CAPRIN1: variants seen among roughly 807,000 people sequenced by gnomAD.
The protein encoded by CAPRIN1 is cell cycle associated protein 1, also known as caprin-1.
In CAPRIN1, 29 loss-of-function variants were observed where a neutral mutation model predicts 100.9. The observed-to-expected ratio is 0.29, with a 90% confidence interval of 0.21 to 0.39. CAPRIN1 has a LOEUF of 0.39. CAPRIN1 is among the 10% of genes least tolerant of loss of function. The pLI, the probability that CAPRIN1 is intolerant of heterozygous loss-of-function variation, is 1.00. For synonymous variants in CAPRIN1, 338 were observed against 307.5 expected, an observed-to-expected ratio of 1.10 and a Z score of -1.04; for missense variants, 795 against 876.7, an observed-to-expected ratio of 0.91 and a Z score of 1.18.
At chr11:34,072,317 A>C (rs111671138) in intron 4 of CAPRIN1, among the ~76,000 whole-genome samples, 2 of 86,990 alleles carry the variant, frequency 2.3e-5, no homozygotes, top group African/African-American at 7.9e-5. Flanking sequence ...CCCCATCTCT[A>C]AAAAAAAAAA....
intron 7 of CAPRIN1, among the ~76,000 whole-genome samples, chr11:34,082,390 G>C (rs572556004): frequency 6.6e-6 from 1 of 151,972 alleles, no homozygotes; most frequent in East Asian, 1.9e-4. Flanking sequence ...GGTTTCACCA[G>C]GTTGGCTAGG....
At chr11:34,094,251 C>T (rs1303515631) in intron 15 of CAPRIN1, among the ~76,000 whole-genome samples, 1 of 139,412 alleles carries the variant, frequency 7.2e-6, no homozygotes, top group Non-Finnish European at 1.6e-5. Context: ...CGCTTGGGTT[C>T]AAGCGATTCT....
At chr11:34,059,879 CTTT>C (rs570241213) in intron 2 of CAPRIN1, among the ~76,000 whole-genome samples, 52 of 109,788 alleles carry the variant, frequency 4.7e-4, no homozygotes, top group African/African-American at 9.0e-4. Context: ...TAGAAGAATA[CTTT>C]TTTTTTTTTT....
chr11:34,083,240 C>G (rs1277499738), intron 9 of CAPRIN1, among the ~76,000 whole-genome samples, 199 bp downstream of exon 9: 1 of 152,110 alleles, frequency 6.6e-6, no homozygotes, highest in Non-Finnish European at 1.5e-5. Flanking sequence ...CTTTGCTGAA[C>G]CAATCTAAAA....
intron 2 of CAPRIN1, among the ~76,000 whole-genome samples, chr11:34,067,403 C>T (rs527478922): frequency 2.6e-5 from 4 of 152,148 alleles, no homozygotes; most frequent in Admixed American, 2.0e-4. Flanking sequence ...TTAAAAATCT[C>T]AGTTATTGGA....
intron 2 of CAPRIN1, among the ~76,000 whole-genome samples, chr11:34,059,166 TTC>T (rs1331257679): frequency 6.6e-6 from 1 of 152,218 alleles, no homozygotes; most frequent in East Asian, 1.9e-4. Context: ...AAATTCAAAC[TTC>T]CTGAGGAAAG....
intron 9 of CAPRIN1, among the ~76,000 whole-genome samples, chr11:34,084,296 G>T (rs1851093929): frequency 6.6e-6 from 1 of 152,056 alleles, no homozygotes; most frequent in African/African-American, 2.4e-5. Context: ...CCCTCTGTTG[G>T]AGCACCAAAA....
At chr11:34,063,273 A>C (rs923389709) in intron 2 of CAPRIN1, 2 of 152,268 alleles carry the variant, frequency 1.3e-5, no homozygotes, top group Non-Finnish European at 2.9e-5. Context: ...CAGAGCTGGA[A>C]TGTAGCAACA....
Position 34,071,957 on chromosome 11 carries a change from A to G in CAPRIN1, c.336A>G (p.Leu112=), listed in dbSNP as rs1411401219. The G allele has an allele frequency of 2.5e-6, 4 of 1,612,300 alleles. No individual in the cohort carries two copies. Among genetic ancestry groups the G allele is most frequent in the South Asian group, 1.1e-5 (1 of 90,924 alleles). The change falls in exon 4 of 19, where the codon TTA becomes TTG. Residue 112 remains leucine, a synonymous_variant. Transcript: ENST00000341394. ...ATAATTTGGAGTTTGCAAAAGAATT[A>G]CAGAGGAGTTTCATGGCACTAAGTC... The part of the protein sequence containing the change: ...VTNNLEFAKE[L]QRSFMALSQD...
chr11:34,052,943 C>CAGTG (rs1850359711), intron 2 of CAPRIN1: 2 of 1,223,008 alleles, frequency 1.6e-6, no homozygotes, highest in South Asian at 3.7e-5. Context: ...GGGTGGGGGC[C>CAGTG]TGTCGTCAGG....
At chr11:34,091,250 C>T (rs2134131895) in intron 14 of CAPRIN1, among the ~76,000 whole-genome samples, 1 of 152,288 alleles carries the variant, frequency 6.6e-6, no homozygotes, top group African/African-American at 2.4e-5. Flanking sequence ...GTTCATAGAA[C>T]AAACTTCTGT....
intron 2 of CAPRIN1, among the ~76,000 whole-genome samples, chr11:34,054,615 G>C (rs1850409112): frequency 6.6e-6 from 1 of 152,050 alleles, no homozygotes; most frequent in African/African-American, 2.4e-5. Flanking sequence ...TTTTAGTAGA[G>C]ACAGGGTTTC....
chr11:34,052,073 G>C (rs1420280209), intron 1 of CAPRIN1: 2 of 150,842 alleles, frequency 1.3e-5, no homozygotes, highest in Non-Finnish European at 3.0e-5. Context: ...GCAAAAGCCG[G>C]CCCTCCCCGG....
At chr11:34,088,743 G>A (rs1350507809) in intron 11 of CAPRIN1, among the ~76,000 whole-genome samples, 1 of 152,122 alleles carries the variant, frequency 6.6e-6, no homozygotes, top group African/African-American at 2.4e-5. Context: ...CCACTTTATT[G>A]TACAGCTTTA....
chr11:34,097,974 T>G, intron 18 of CAPRIN1: 1 of 1,288,112 alleles, frequency 7.8e-7, no homozygotes, highest in Non-Finnish European at 9.9e-7. Flanking sequence ...ATAAACTGTC[T>G]TGAAAACTAG....
At chr11:34,069,338 C>T (rs948481397) in intron 2 of CAPRIN1, among the ~76,000 whole-genome samples, 1 of 151,526 alleles carries the variant, frequency 6.6e-6, no homozygotes, top group Admixed American at 6.6e-5. Context: ...TTGGTAGAGA[C>T]GGGGTTTCAC....
At chr11:34,085,818 T>A (rs964837652) in intron 9 of CAPRIN1, among the ~76,000 whole-genome samples, 33 of 151,530 alleles carry the variant, frequency 2.2e-4, no homozygotes, top group Middle Eastern at 6.8e-3. Flanking sequence ...GAAAAAAAAA[T>A]AAATAAATAA....
chr11:34,096,275 A>T, intron 15 of CAPRIN1: 1 of 445,130 alleles, frequency 2.2e-6, no homozygotes, highest in Non-Finnish European at 3.9e-6. Context: ...GTGGTTGGAG[A>T]ATTTTACCCC....
At chr11:34,054,536 TC>T (rs1565080094) in intron 2 of CAPRIN1, among the ~76,000 whole-genome samples, 1 of 152,054 alleles carries the variant, frequency 6.6e-6, no homozygotes, top group Non-Finnish European at 1.5e-5. Context: ...CAAGCGATTC[TC>T]CTCCCTCAGC....
Sources: gnomAD v4.1 joint callset for allele counts (sites outside exome capture counted in the v4.1 genomes callset) on GRCh38, gnomAD v4.1.1 for gene constraint, MANE v1.5 for transcripts, NCBI Gene and HGNC (gene_info 2026-07-23, HGNC 2026-07-21) for gene names.